The following LINGO2 variants were observed in gnomAD, a reference collection of about 807,000 sequenced individuals.
LINGO2 encodes the protein leucine-rich repeat and immunoglobulin-like domain-containing nogo receptor-interacting protein 2.
In LINGO2, 14 loss-of-function variants were observed where a neutral mutation model predicts 30.6. The ratio of observed to expected loss-of-function variants is 0.46; its 90% CI spans 0.30 to 0.72. The LOEUF is 0.72. LINGO2 is among the 30% of genes least tolerant of loss of function. LINGO2 has a pLI of 0.07. For missense variants in LINGO2, 729 were observed against 751.7 expected, an observed-to-expected ratio of 0.97 and a Z score of 0.35; for synonymous variants, 317 against 288.5, an observed-to-expected ratio of 1.10 and a Z score of -1.00.
chr9:28,807,057 C>A, the LINGO2 span, among the ~76,000 whole-genome samples: 3 of 151,740 alleles, frequency 2.0e-5, no homozygotes, highest in African/African-American at 7.2e-5. Flanking sequence ...CAGAGTCTCA[C>A]TCTGCCACCC....
the LINGO2 span, among the ~76,000 whole-genome samples, chr9:29,006,967 G>A: frequency 6.4e-3 from 978 of 152,164 alleles, 13 homozygotes; most frequent in African/African-American, 0.023. Context: ...GAACTCTACT[G>A]CTCATGGTAC....
chr9:28,759,452 G>A, the LINGO2 span, among the ~76,000 whole-genome samples: 1 of 151,966 alleles, frequency 6.6e-6, no homozygotes, highest in Admixed American at 6.6e-5. Flanking sequence ...GGAGGACGAG[G>A]CGGGTGGATC....
chr9:28,130,137 G>A lies in LINGO2; in HGVS notation c.-86-117732C>T, dbSNP rs977108718. 6.6e-6 allele frequency among the ~76,000 whole-genome samples: 1 copy of A among 152,218 alleles called. No individual in the cohort carries two copies. Among genetic ancestry groups the A allele is most frequent in the Non-Finnish European group, 1.5e-5 (1 of 68,044 alleles). On this transcript the variant is annotated intron_variant, in intron 4 of 5. Coordinates refer to ENST00000379992, the Ensembl canonical transcript of LINGO2. The surrounding 1 kb of genome is among the most constrained non-coding windows in gnomAD (Gnocchi z 5.2). ...CTGACATTGATTCCCATGTGGAACA[G>A]AGGACTTTTCTAGATTTAGAGTTGT... is the stretch of plus-strand genomic sequence containing the variant.
chr9:28,951,762 T>G, the LINGO2 span, among the ~76,000 whole-genome samples: 24 of 152,294 alleles, frequency 1.6e-4, no homozygotes, highest in African/African-American at 5.5e-4. Context: ...GTGGAGGTGC[T>G]TCCTGAGATT....
chr9:29,129,352 G>A, the LINGO2 span, among the ~76,000 whole-genome samples: 2 of 152,202 alleles, frequency 1.3e-5, no homozygotes, highest in South Asian at 4.1e-4. Context: ...ATGAGTACAT[G>A]TAAATGGGAT....
intron 4 of LINGO2, among the ~76,000 whole-genome samples, chr9:28,033,786 CAGA>C (rs1447567022): frequency 1.3e-5 from 2 of 152,170 alleles, no homozygotes; most frequent in African/African-American, 4.8e-5. Flanking sequence ...GTTAGGAAGA[CAGA>C]AGATGTAGCT....
At chr9:28,660,172 A>ATAAAGAT (rs1445601534) in intron 1 of LINGO2, among the ~76,000 whole-genome samples, 1 of 152,188 alleles carries the variant, frequency 6.6e-6, no homozygotes, top group Non-Finnish European at 1.5e-5. Flanking sequence ...GTGAAAGTGA[A>ATAAAGAT]TAAAGATTAA....
intron 2 of LINGO2, among the ~76,000 whole-genome samples, chr9:28,374,850 T>G (rs1432024040): frequency 6.6e-6 from 1 of 152,162 alleles, no homozygotes; most frequent in Non-Finnish European, 1.5e-5. Flanking sequence ...TTTGACAAAT[T>G]GACCCACCTC....
chr9:28,843,868 G>C, the LINGO2 span, among the ~76,000 whole-genome samples: 1 of 151,784 alleles, frequency 6.6e-6, no homozygotes, highest in Non-Finnish European at 1.5e-5. Flanking sequence ...GAATCAGAAC[G>C]ATTTAGGTTC....
At chr9:28,680,370 CAATT>C in the LINGO2 span, among the ~76,000 whole-genome samples, 17 of 152,000 alleles carry the variant, frequency 1.1e-4, no homozygotes, top group Admixed American at 9.2e-4. Context: ...TGATGAGAAA[CAATT>C]AAGTTGATTC....
At chr9:28,711,079 C>G in the LINGO2 span, among the ~76,000 whole-genome samples, 1 of 151,956 alleles carries the variant, frequency 6.6e-6, no homozygotes, top group African/African-American at 2.4e-5. Flanking sequence ...TTAATATTCC[C>G]TACTACCTTG....
At chr9:29,093,645 T>C in the LINGO2 span, among the ~76,000 whole-genome samples, 1 of 136,548 alleles carries the variant, frequency 7.3e-6, no homozygotes, top group Non-Finnish European at 1.6e-5. Context: ...ATCCCTATCC[T>C]ACCTCCAAGT....
chr9:28,506,755 C>T (rs41480949), intron 1 of LINGO2, among the ~76,000 whole-genome samples: 2,896 of 151,366 alleles, frequency 0.019, 92 homozygotes, highest in East Asian at 0.12. Context: ...GTTGTTTTGT[C>T]TCTAGGTACC....
chr9:28,515,241 C>T (rs189135379), intron 1 of LINGO2, among the ~76,000 whole-genome samples: 1 of 135,794 alleles, frequency 7.4e-6, no homozygotes, highest in African/African-American at 2.8e-5. Context: ...GAGTCTCGCT[C>T]TGTCGCTCAG....
intron 4 of LINGO2, among the ~76,000 whole-genome samples, chr9:28,086,590 T>C (rs1825922233): frequency 6.6e-6 from 1 of 152,048 alleles, no homozygotes; most frequent in South Asian, 2.1e-4. Context: ...AATTTGGGCG[T>C]ACTTAATTTC....
At chr9:28,668,807 C>A (rs1327675331) in intron 1 of LINGO2, among the ~76,000 whole-genome samples, 4 of 152,020 alleles carry the variant, frequency 2.6e-5, no homozygotes, top group African/African-American at 9.7e-5. Flanking sequence ...ATTAAATGTT[C>A]TTTTTGATTG....
At chr9:28,433,949 C>CTCTCTCTCTCTCTATA (rs1225323260) in intron 2 of LINGO2, among the ~76,000 whole-genome samples, 1 of 88,546 alleles carries the variant, frequency 1.1e-5, no homozygotes, top group Admixed American at 1.4e-4. Flanking sequence ...CTCTCTCTCT[C>CTCTCTCTCTCTCTATA]TATATATATA....
intron 1 of LINGO2, among the ~76,000 whole-genome samples, chr9:28,663,450 C>T (rs1308107726): frequency 3.3e-5 from 5 of 152,064 alleles, no homozygotes; most frequent in African/African-American, 7.2e-5. Context: ...GGATTACAGG[C>T]GTGAGCCACC....
At chr9:28,168,078 G>C (rs187371909) in intron 4 of LINGO2, among the ~76,000 whole-genome samples, 156 of 152,254 alleles carry the variant, frequency 1.0e-3, no homozygotes, top group African/African-American at 3.6e-3. Context: ...AAAACTTAAT[G>C]CTTGTACTTC....
Sources: gnomAD v4.1 joint callset for allele counts (sites outside exome capture counted in the v4.1 genomes callset) on GRCh38, gnomAD v4.1.1 for gene constraint, Gnocchi (gnomAD v3.1) non-coding constraint, MANE v1.5 for transcripts, NCBI Gene and HGNC (gene_info 2026-07-23, HGNC 2026-07-21) for gene names.